Variants in AKAP6 observed in about 807,000 individuals in gnomAD.
AKAP6 encodes the protein A-kinase anchor protein 6.
AKAP6 carries 58 observed loss-of-function variants against 188.5 expected under a neutral mutation model. The observed-to-expected ratio is 0.31, with a 90% CI of 0.25 to 0.38. AKAP6 has a LOEUF of 0.38. AKAP6 is among the 10% of genes least tolerant of loss of function. AKAP6 has a pLI of 1.00. For synonymous variants in AKAP6, 989 were observed against 998.6 expected (o/e 0.99, Z 0.18); for missense variants, 2,710 against 2,740.0 (o/e 0.99, Z 0.24).
chr14:32,603,216 C>T (rs563488000), intron 7 of AKAP6, among the ~76,000 whole-genome samples: 6 of 151,086 alleles, frequency 4.0e-5, no homozygotes, highest in African/African-American at 1.2e-4. Flanking sequence ...GACATTATTG[C>T]GTTGCACTCT....
intron 12 of AKAP6, among the ~76,000 whole-genome samples, chr14:32,813,354 C>G (rs1169588414): frequency 6.7e-6 from 1 of 149,998 alleles, no homozygotes; most frequent in Non-Finnish European, 1.5e-5. Context: ...TCTCTTTGTT[C>G]AAGAAGAGTA....
intron 1 of AKAP6, among the ~76,000 whole-genome samples, chr14:32,390,487 A>C (rs1288069270): frequency 6.6e-6 from 1 of 152,140 alleles, no homozygotes; most frequent in Non-Finnish European, 1.5e-5. Flanking sequence ...GCTCTGTCAG[A>C]GGGAAGGTCT....
intron 4 of AKAP6, among the ~76,000 whole-genome samples, chr14:32,558,198 C>T (rs902604354): frequency 6.6e-6 from 1 of 152,186 alleles, no homozygotes; most frequent in African/African-American, 2.4e-5. Flanking sequence ...CATGAGTTGA[C>T]AGTGCACATA....
chr14:32,429,003 T>C (rs763345197), intron 1 of AKAP6, among the ~76,000 whole-genome samples: 19 of 152,120 alleles, frequency 1.2e-4, no homozygotes, highest in Non-Finnish European at 2.6e-4. Flanking sequence ...GGGATAAAGG[T>C]GGTATTATCG....
At chr14:32,369,293 C>CA (rs1344834409) in intron 1 of AKAP6, among the ~76,000 whole-genome samples, 1 of 151,910 alleles carries the variant, frequency 6.6e-6, no homozygotes, top group Admixed American at 6.6e-5. Context: ...AGTGTGGCAC[C>CA]AAAAAAACCT....
chr14:32,695,743 A>G (rs1340278903), intron 8 of AKAP6, among the ~76,000 whole-genome samples: 1 of 152,180 alleles, frequency 6.6e-6, no homozygotes, highest in Non-Finnish European at 1.5e-5. Context: ...AGCAAATGGA[A>G]ATAGCCATAA....
rs1234431750 is a variant in AKAP6 at position 32,828,525 on chromosome 14, TCTCTCACA to T, written c.*43-1321_*43-1314del. On this transcript the variant is annotated intron_variant, in intron 13 of 13. Transcript: ENST00000280979. The stretch of plus-strand genomic sequence containing the variant: ...TCATCTATCTCTCTCTCTCTCTCTC[TCTCTCACA>T]CACACACACACACACACACACACAC... 9.7e-3 allele frequency among the ~76,000 whole-genome samples: 943 copies of T among 96,780 alleles called. 5 individuals are homozygous for T. The highest frequency in any genetic ancestry group is 0.024 in the African/African-American group (704 of 29,902). The allele number at this position is 96,780 out of a possible 152,430, so 63.5% of individuals were successfully genotyped here.
intron 8 of AKAP6, among the ~76,000 whole-genome samples, chr14:32,687,400 A>ATCTCTCTCTC (rs71115092): frequency 1.7e-4 from 22 of 128,984 alleles, no homozygotes; most frequent in South Asian, 5.2e-4. Context: ...CATACTAACT[A>ATCTCTCTCTC]TCTCTCTCTC....
chr14:32,428,856 G>A (rs888379946), intron 1 of AKAP6, among the ~76,000 whole-genome samples: 6 of 152,060 alleles, frequency 3.9e-5, no homozygotes, highest in Non-Finnish European at 7.4e-5. Flanking sequence ...AATAGAATAA[G>A]GTGGAAAAAC....
chr14:32,771,341 G>A (rs201240182), intron 11 of AKAP6, among the ~76,000 whole-genome samples: 4,303 of 141,038 alleles, frequency 0.031, 213 homozygotes, highest in African/African-American at 0.1. Context: ...TCATTTAAAG[G>A]AAAAAAAAAA....
intron 1 of AKAP6, among the ~76,000 whole-genome samples, chr14:32,329,750 A>G (rs1012228805): frequency 6.6e-6 from 1 of 152,024 alleles, no homozygotes; most frequent in Non-Finnish European, 1.5e-5. Context: ...AAAAATATAG[A>G]TTTCTTTTTG....
chr14:32,465,510 T>G (rs1878358643), intron 2 of AKAP6, among the ~76,000 whole-genome samples: 1 of 152,124 alleles, frequency 6.6e-6, no homozygotes, highest in Non-Finnish European at 1.5e-5. Flanking sequence ...ATTTAATAAA[T>G]AATGTTGGGA....
At chr14:32,382,332 G>A (rs940514575) in intron 1 of AKAP6, among the ~76,000 whole-genome samples, 1 of 152,120 alleles carries the variant, frequency 6.6e-6, no homozygotes, top group Non-Finnish European at 1.5e-5. Context: ...ATCAGAGTGG[G>A]ACATCACAGG....
At chr14:32,694,098 A>G (rs569414283) in intron 8 of AKAP6, among the ~76,000 whole-genome samples, 3 of 152,246 alleles carry the variant, frequency 2.0e-5, no homozygotes, top group African/African-American at 7.2e-5. Flanking sequence ...GCGGTGGCTC[A>G]TGCCTGTAAT....
At chr14:32,491,512 C>T (rs529433385) in intron 2 of AKAP6, among the ~76,000 whole-genome samples, 1 of 152,120 alleles carries the variant, frequency 6.6e-6, no homozygotes, top group African/African-American at 2.4e-5. Flanking sequence ...ATGTGGCTGT[C>T]CTCCCTGTGG....
chr14:32,793,301 A>G (rs982755010), intron 12 of AKAP6, among the ~76,000 whole-genome samples: 4 of 152,202 alleles, frequency 2.6e-5, no homozygotes, highest in Admixed American at 2.6e-4. Flanking sequence ...AGAGACACAC[A>G]TAGGCTCAAA....
intron 2 of AKAP6, among the ~76,000 whole-genome samples, chr14:32,446,926 C>G (rs2138759689): frequency 6.6e-6 from 1 of 152,062 alleles, no homozygotes; most frequent in Admixed American, 6.5e-5. Flanking sequence ...TGTTTGTGGT[C>G]TTTTATTGAT....
Position 32,696,111 on chromosome 14 carries a change from G to A in AKAP6, c.3000+1G>A. 1 of 1,601,084 alleles carries A rather than the reference G, an allele frequency of 6.2e-7. No individual in the cohort carries two copies. The highest frequency in any genetic ancestry group is 8.5e-7 in the Non-Finnish European group (1 of 1,176,182). ...GGAGCAGCAGCAGCATCTTTACAAG[G>A]TTAGAGCTACCCTTCCTGCCTTTAC... On this transcript the variant is annotated splice_donor_variant, in intron 9 of 13. Transcript: ENST00000280979. LOFTEE classifies it high-confidence loss of function.
chr14:32,594,050 T>G (rs1010325047), intron 5 of AKAP6, among the ~76,000 whole-genome samples: 23 of 152,212 alleles, frequency 1.5e-4, no homozygotes. Flanking sequence ...TTCGTAATGA[T>G]TTTTTTAGCC....
Sources: allele counts gnomAD v4.1 joint callset (sites outside exome capture counted in the v4.1 genomes callset), GRCh38; gene constraint gnomAD v4.1.1; transcripts MANE v1.5; gene names NCBI Gene and HGNC (gene_info 2026-07-23, HGNC 2026-07-21).